The following ATG13 variants were observed in gnomAD, a reference collection of about 807,000 sequenced individuals.
The protein encoded by ATG13 is autophagy related 13.
Under a neutral mutation model 65.5 loss-of-function variants are expected in ATG13, and 23 were observed. The observed-to-expected ratio is 0.35, with a 90% CI of 0.25 to 0.50. ATG13 has a LOEUF of 0.50. ATG13 is among the 20% of genes least tolerant of loss of function. The probability of loss-of-function intolerance (pLI) is 0.98; values close to 1 mark genes in which losing one functional copy is unlikely to be tolerated. For synonymous variants in ATG13, 252 were observed against 245.2 expected (o/e 1.03, Z -0.26); for missense variants, 566 against 677.0 (o/e 0.84, Z 1.82).
intron 2 of ATG13, chr11:46,632,270 A>C (rs1291530370): frequency 6.6e-6 from 1 of 152,198 alleles, no homozygotes; most frequent in Non-Finnish European, 1.5e-5. Flanking sequence ...GAACTGCATA[A>C]ATTTTTTTGT....
chr11:46,649,557 C>T (rs1446834813), intron 6 of ATG13, among the ~76,000 whole-genome samples: 1 of 152,222 alleles, frequency 6.6e-6, no homozygotes. Flanking sequence ...TTTCCCCTCC[C>T]TGCTCCTTTT....
chr11:46,659,672 T>A, intron 11 of ATG13, 187 bp downstream of exon 11: 1 of 527,388 alleles, frequency 1.9e-6, no homozygotes, highest in East Asian at 3.1e-5. Context: ...TAATTATTCA[T>A]AACCTTCAAG....
At chr11:46,659,659 CTG>C in intron 11 of ATG13, 174 bp downstream of exon 11, 1 of 544,998 alleles carries the variant, frequency 1.8e-6, no homozygotes, top group Non-Finnish European at 3.3e-6. Context: ...TATTTCTAGT[CTG>C]TAATTATTCA....
At chr11:46,662,881 G>A (rs770069251) in intron 11 of ATG13, among the ~76,000 whole-genome samples, 29 of 152,156 alleles carry the variant, frequency 1.9e-4, no homozygotes, top group Non-Finnish European at 3.4e-4. Flanking sequence ...TGTGCCATTT[G>A]GGCACAGAGT....
rs141419348 is a variant in ATG13, at chr11:46,618,626, T to C, written c.-70+736T>C. Among the ~76,000 whole-genome samples the C allele has an allele frequency of 4.6e-5, 7 of 152,310 alleles. No homozygotes were observed. In the East Asian group the frequency reaches 1.3e-3, roughly 29 times the overall value. ...TGGACACCTTTAGTGGGAGATGTAT[T>C]ATAATAAGAAACAACAAGCTCTTCC... On this transcript the variant is annotated intron_variant, in intron 1 of 18. Coordinates refer to ENST00000683050, the MANE Select transcript of ATG13 (RefSeq NM_001346311.2).
At chr11:46,650,071 A>T (rs556693640) in intron 6 of ATG13, 106 bp from the exon 7 acceptor site, 1 of 1,263,028 alleles carries the variant, frequency 7.9e-7, no homozygotes, top group Non-Finnish European at 1.1e-6. Context: ...ATAAAGGTGT[A>T]ATTAGAGTTC....
At chr11:46,668,656 C>G (rs1481004687) in intron 16 of ATG13, 80 bp downstream of exon 16, 1 of 1,534,936 alleles carries the variant, frequency 6.5e-7, no homozygotes, top group Non-Finnish European at 9.0e-7. Flanking sequence ...CACTAATCCC[C>G]CACAGACTAT....
At chr11:46,665,268 G>C (rs2062040889) in intron 13 of ATG13, 115 bp from the exon 14 acceptor site, 1 of 1,312,664 alleles carries the variant, frequency 7.6e-7, no homozygotes, top group African/African-American at 1.5e-5. Flanking sequence ...CTGCCTACTT[G>C]GTGGCAGCGT....
chr11:46,663,398 T>C (rs2061593084), intron 11 of ATG13, among the ~76,000 whole-genome samples: 3 of 152,066 alleles, frequency 2.0e-5, no homozygotes, highest in Non-Finnish European at 4.4e-5. Context: ...TTCATCAGGT[T>C]CACCTATGCC....
At chr11:46,654,552 C>G (rs2059633086) in intron 7 of ATG13, among the ~76,000 whole-genome samples, 1 of 151,518 alleles carries the variant, frequency 6.6e-6, no homozygotes, top group African/African-American at 2.4e-5. Flanking sequence ...GAGACCCTGT[C>G]TATACTAGAA....
Position 46,669,410 on chromosome 11 carries a change from G to T in ATG13, c.1453G>T (p.Ala485Ser), listed in dbSNP as rs1372687067. Residue 485 changes from alanine to serine, a missense_variant, in exon 18 of 19, where the codon GCT becomes TCT. Ala to Ser is a moderately conservative substitution (Grantham distance 99). This residue lies in a region of ATG13 where 387 missense variants were observed against 409.8 expected (regional missense o/e 0.94). Coordinates refer to ENST00000683050, the MANE Select transcript of ATG13 (RefSeq NM_001346311.2). ...DDFVMIDFKPAFSKDDILPMD... is the reference protein window; with the variant it reads ...DDFVMIDFKPSFSKDDILPMD... The stretch of plus-strand genomic sequence containing the variant: ...CTCTGTCTTGTTTTTGAAGAAACCA[G>T]CTTTTTCTAAAGATGACATTCTTCC... 6.2e-7 allele frequency: 1 copy of T among 1,614,026 alleles called. No homozygotes were observed. Among genetic ancestry groups the T allele is most frequent in the Admixed American group, 1.7e-5 (1 of 60,018 alleles).
At chr11:46,664,208 T>G (rs1041394776) in intron 12 of ATG13, 113 bp downstream of exon 12, 25 of 864,304 alleles carry the variant, frequency 2.9e-5, no homozygotes, top group Middle Eastern at 3.5e-4. Context: ...TCTGTGGGAT[T>G]ATTTTGAGGC....
Position 46,672,489 on chromosome 11 carries a change from C to T in ATG13, c.*157C>T. On this transcript the variant is annotated 3_prime_UTR_variant, in exon 19 of 19. Coordinates refer to ENST00000683050, the MANE Select transcript of ATG13 (RefSeq NM_001346311.2). ...GACCCAGAAGTCCCTACTCTTGGAC[C>T]TCCTGGAGACTCCGTGGCGGCAGTC... 6.7e-7 allele frequency: 1 copy of T among 1,498,190 alleles called. No individual in the cohort carries two copies. The highest frequency in any genetic ancestry group is 8.9e-7 in the Non-Finnish European group (1 of 1,125,124). 92.8% of individuals were successfully genotyped at this position (1,498,190 alleles called of 1,614,324 possible). A position where few individuals can be genotyped will look rare whatever the true frequency, so the allele number is the denominator to read the frequency against.
Position 46,650,228 on chromosome 11 carries a change from G to C in ATG13, c.369G>C (p.Leu123Phe). Residue 123 changes from leucine to phenylalanine, a missense_variant, in exon 7 of 19, where the codon TTG becomes TTC. Physicochemically the swap from Leu to Phe is conservative, Grantham distance 22. Transcript: ENST00000683050. ...VSYTVYNRLS[L>F]LLKSLLAITR... is the part of the protein sequence containing the mutation. ...ACACGGTGTACAACAGACTGTCATT[G>C]CTGCTGAAGTCCCTTCTTGCTATAA... The C allele has an allele frequency of 2.5e-6, 4 of 1,614,110 alleles. No homozygotes were observed. Among genetic ancestry groups the C allele is most frequent in the Non-Finnish European group, 3.4e-6 (4 of 1,180,006 alleles).
intron 5 of ATG13, among the ~76,000 whole-genome samples, chr11:46,647,740 G>GT (rs1311596479): frequency 1.3e-5 from 2 of 148,658 alleles, no homozygotes; most frequent in Non-Finnish European, 3.0e-5. Context: ...CATGGCTAAT[G>GT]TTTAAAAAAA....
At chr11:46,660,464 C>T (rs1245090647) in intron 11 of ATG13, among the ~76,000 whole-genome samples, 3 of 146,922 alleles carry the variant, frequency 2.0e-5, no homozygotes, top group East Asian at 4.1e-4. Context: ...GGCTGGAATG[C>T]AGTGGCATGA....
rs1000952883 is a variant in ATG13, at chr11:46,617,861, G to A, written c.-99G>A. 4.0e-5 allele frequency: 16 copies of A among 399,034 alleles called. No homozygotes were observed. Among genetic ancestry groups the A allele is most frequent in the African/African-American group, 3.3e-4 (16 of 48,640 alleles). The allele number at this position is 399,034 out of a possible 1,614,324, so 24.7% of individuals were successfully genotyped here. A position where few individuals can be genotyped will look rare whatever the true frequency, so the allele number is the denominator to read the frequency against. On this transcript the variant is annotated 5_prime_UTR_variant, in exon 1 of 19. Coordinates refer to ENST00000683050, the MANE Select transcript of ATG13 (RefSeq NM_001346311.2). ...GTCCCGGCCTCCGTAATGAGAGCCC[G>A]GAACCACTCTTTGTGCCGCAGCTTC...
chr11:46,659,610 T>C (rs2060743744), intron 11 of ATG13, 125 bp downstream of exon 11: 1 of 720,086 alleles, frequency 1.4e-6, no homozygotes, highest in Non-Finnish European at 2.4e-6. Context: ...AAGGGGTTAC[T>C]TTGAGGGGTA....
In ATG13 at chr11:46,672,887, T is replaced by A. The variant is rs2064069669; in HGVS notation, c.*555T>A. ...TTCTTCTCTCTCTTGCCTCTATGCC[T>A]GTATTTCTGGCAATATGACAGGCCT... On this transcript the variant is annotated 3_prime_UTR_variant, in exon 19 of 19. Transcript: ENST00000683050. 2 of 1,037,118 alleles carry A rather than the reference T, an allele frequency of 1.9e-6. No homozygotes were observed. Among genetic ancestry groups the A allele is most frequent in the African/African-American group, 1.7e-5 (1 of 59,634 alleles). The allele number at this position is 1,037,118 out of a possible 1,614,324, so 64.2% of individuals were successfully genotyped here.
Sources: gnomAD v4.1 joint callset for allele counts (sites outside exome capture counted in the v4.1 genomes callset) on GRCh38, gnomAD v4.1.1 for gene constraint, gnomAD v4.1.1 regional missense constraint, MANE v1.5 for transcripts, NCBI Gene and HGNC (gene_info 2026-07-23, HGNC 2026-07-21) for gene names.